Variants in PDSS1 observed in about 807,000 individuals in gnomAD.
PDSS1 encodes all trans-polyprenyl-diphosphate synthase PDSS1.
Under a neutral mutation model 57.5 loss-of-function variants are expected in PDSS1, and 43 were observed. The observed-to-expected ratio is 0.75, with a 90% CI of 0.59 to 0.96. The LOEUF (loss-of-function observed/expected upper bound fraction) is 0.96, where lower values mean the gene tolerates loss of function less well. PDSS1 is among the 50% of genes least tolerant of loss of function. The pLI is 0.00. For synonymous variants in PDSS1, 175 were observed against 191.3 expected (o/e 0.91, Z 0.70); for missense variants, 438 against 527.8 (o/e 0.83, Z 1.67).
intron 5 of PDSS1, chr10:26,717,659 T>C (rs1349148288): frequency 2.0e-5 from 3 of 152,212 alleles, no homozygotes; most frequent in African/African-American, 7.2e-5. Flanking sequence ...GCCAATTTCA[T>C]TGCAACTTCT....
chr10:26,735,276 G>C lies in PDSS1; in HGVS notation c.868G>C (p.Glu290Gln). The C allele has an allele frequency of 6.2e-7, 1 of 1,613,738 alleles. No homozygotes were observed. The highest frequency in any genetic ancestry group is 8.5e-7 in the Non-Finnish European group (1 of 1,179,596). The change falls in exon 9 of 12, where the codon GAG (glutamate) becomes CAG (glutamine). Residue 290 changes from glutamate to glutamine, a missense_variant. Glu to Gln is a conservative substitution (Grantham distance 29, BLOSUM62 2). Coordinates refer to ENST00000376215, the MANE Select transcript of PDSS1 (RefSeq NM_014317.5). ...AGGATGTCCCGACCCAGTGGTGCAT[G>C]AGATCGCCTATCAGTACGGAAAAAA... Reference protein sequence around the residue: ...VLGCPDPVVHEIAYQYGKNVG... With the variant: ...VLGCPDPVVHQIAYQYGKNVG...
At chr10:26,699,098 C>G (rs940275506) in intron 1 of PDSS1, among the ~76,000 whole-genome samples, 1 of 152,132 alleles carries the variant, frequency 6.6e-6, no homozygotes, top group African/African-American at 2.4e-5. Flanking sequence ...TGCCAGTGCA[C>G]TCCAGCCTGG....
Position 26,711,005 on chromosome 10 carries a change from G to A in PDSS1, c.467+1237G>A, listed in dbSNP as rs1047762728. Among the ~76,000 whole-genome samples the A allele has an allele frequency of 8.1e-5, 8 of 98,846 alleles. 3 individuals are homozygous for A. The highest frequency in any genetic ancestry group is 2.6e-4 in the African/African-American group (8 of 30,416). 64.8% of individuals were successfully genotyped at this position (98,846 alleles called of 152,430 possible). On this transcript the variant is annotated intron_variant, in intron 5 of 11. Transcript: ENST00000376215. ...AGAGGCTAAGAAATGAAGGCCAACA[G>A]GTACCAACCATACCTGATACAGCAG... is the stretch of plus-strand genomic sequence containing the variant.
chr10:26,737,624 C>T (rs1277250444), intron 10 of PDSS1, among the ~76,000 whole-genome samples: 10 of 146,034 alleles, frequency 6.8e-5, no homozygotes, highest in Non-Finnish European at 3.0e-5. Context: ...CCCAGCTACT[C>T]GGGAGGCCAA....
At chr10:26,743,975 C>A (rs1363188424) in intron 11 of PDSS1, among the ~76,000 whole-genome samples, 1 of 152,028 alleles carries the variant, frequency 6.6e-6, no homozygotes, top group East Asian at 1.9e-4. Context: ...CAGGATCATA[C>A]TTTTTAAATG....
chr10:26,731,249 A>G (rs1445609063), intron 8 of PDSS1, among the ~76,000 whole-genome samples: 1 of 152,248 alleles, frequency 6.6e-6, no homozygotes, highest in East Asian at 1.9e-4. Flanking sequence ...GCTGAGGCAC[A>G]AGAATAGCTT....
rs371752451 is a variant in PDSS1 at position 26,746,431 on chromosome 10, C to G, written c.1206C>G (p.Ala402=). 1.2e-6 allele frequency: 2 copies of G among 1,613,746 alleles called. No individual in the cohort carries two copies. The highest frequency in any genetic ancestry group is 1.3e-5 in the African/African-American group (1 of 74,904). Residue 402 remains alanine (A), a synonymous_variant, in exon 12 of 12, where the codon GCC becomes GCG. Transcript: ENST00000376215. ...TTCGACCATCCCCAGAAAGAGATGC[C>G]CTCATTCAGCTTTCAGAAATTGTAC... is the stretch of plus-strand genomic sequence containing the variant. ...SKLRPSPERD[A]LIQLSEIVLT...
At chr10:26,740,348 A>G (rs761639710) in intron 10 of PDSS1, among the ~76,000 whole-genome samples, 5 of 152,126 alleles carry the variant, frequency 3.3e-5, no homozygotes, top group Non-Finnish European at 7.4e-5. Context: ...TTACCGTAGA[A>G]GTTGATTTGG....
chr10:26,706,384 C>T (rs1835215941), intron 4 of PDSS1, among the ~76,000 whole-genome samples: 1 of 152,216 alleles, frequency 6.6e-6, no homozygotes, highest in South Asian at 2.1e-4. Flanking sequence ...AGAACTCCTT[C>T]AGCTCCTGCT....
In PDSS1 at chr10:26,699,278, T is replaced by A. The variant is rs1253065265; in HGVS notation, c.129+1438T>A. 7.2e-5 allele frequency among the ~76,000 whole-genome samples: 11 copies of A among 152,256 alleles called. No homozygotes were observed. The East Asian group carries it at 1.9e-3, about 27-fold the overall frequency. On this transcript the variant is annotated intron_variant, in intron 1 of 11. Transcript: ENST00000376215. ...AGGAGGAAGGTAGGCTTTGCTGTGA[T>A]CCATTTCAGGACTGTTCTCTCCAGA... is the stretch of plus-strand genomic sequence containing the variant.
At chr10:26,707,378 AATTAGT>A (rs1237977085) in intron 4 of PDSS1, among the ~76,000 whole-genome samples, 9 of 152,194 alleles carry the variant, frequency 5.9e-5, no homozygotes, top group African/African-American at 1.9e-4. Flanking sequence ...AGCTGTGACC[AATTAGT>A]ATTTTAGCGA....
At chr10:26,734,766 G>A (rs1428506140) in intron 8 of PDSS1, 1 of 456,380 alleles carries the variant, frequency 2.2e-6, no homozygotes, top group East Asian at 6.9e-5. Context: ...CTACAGATGG[G>A]AAAATTGTGT....
rs766700882 is a variant in PDSS1, at chr10:26,735,449, A to G, written c.913-17A>G. 1.5e-5 allele frequency: 24 copies of G among 1,556,510 alleles called. No homozygotes were observed. In the African/African-American group the frequency reaches 2.0e-4, roughly 13 times the overall value. On this transcript the variant is annotated splice_polypyrimidine_tract_variant and intron_variant, in intron 9 of 11. Coordinates refer to ENST00000376215, the MANE Select transcript of PDSS1 (RefSeq NM_014317.5). ...GGCATGGCGGTGCTCCTTACATCCC[A>G]TTTTTCCTTTTGCCAGCTAATAGAT...
At chr10:26,715,373 C>A (rs1835531069) in intron 5 of PDSS1, 1 of 151,452 alleles carries the variant, frequency 6.6e-6, no homozygotes, top group Non-Finnish European at 1.5e-5. Flanking sequence ...CAGGATGAGG[C>A]TGATTCTGTC....
intron 1 of PDSS1, among the ~76,000 whole-genome samples, chr10:26,700,147 T>C (rs1310554176): frequency 6.6e-6 from 1 of 151,932 alleles, no homozygotes; most frequent in African/African-American, 2.4e-5. Flanking sequence ...GCCAAATCAC[T>C]TCTCAATATA....
intron 2 of PDSS1, among the ~76,000 whole-genome samples, chr10:26,702,804 T>C (rs1835090258): frequency 6.6e-6 from 1 of 152,156 alleles, no homozygotes; most frequent in African/African-American, 2.4e-5. Flanking sequence ...GAGCTATGAT[T>C]GCACCACTGC....
chr10:26,728,877 C>T (rs925824617), intron 8 of PDSS1, among the ~76,000 whole-genome samples: 6 of 149,132 alleles, frequency 4.0e-5, no homozygotes, highest in Non-Finnish European at 5.9e-5. Flanking sequence ...CTCCCGGGCT[C>T]AGGTGATCCT....
intron 8 of PDSS1, among the ~76,000 whole-genome samples, chr10:26,735,016 GAGA>G (rs1397743057): frequency 1.3e-5 from 2 of 152,220 alleles, no homozygotes; most frequent in Non-Finnish European, 2.9e-5. Context: ...GCAGGGGTTG[GAGA>G]AGGAGAATTT....
intron 10 of PDSS1, among the ~76,000 whole-genome samples, chr10:26,737,234 C>T (rs891665315): frequency 4.6e-5 from 7 of 152,168 alleles, no homozygotes; most frequent in Non-Finnish European, 8.8e-5. Flanking sequence ...ACTAAGTTAC[C>T]GGTTGAGTCC....
Sources: gnomAD v4.1 joint callset for allele counts (sites outside exome capture counted in the v4.1 genomes callset) on GRCh38, gnomAD v4.1.1 for gene constraint, MANE v1.5 for transcripts, NCBI Gene and HGNC (gene_info 2026-07-23, HGNC 2026-07-21) for gene names.